The following CTNNA3 variants were observed in gnomAD, a reference collection of about 807,000 sequenced individuals.
The protein encoded by CTNNA3 is catenin alpha-3.
In CTNNA3, 76 loss-of-function variants were observed where a neutral mutation model predicts 95.7. The ratio of observed to expected loss-of-function variants is 0.79; its 90% CI spans 0.66 to 0.96. The LOEUF (loss-of-function observed/expected upper bound fraction) is 0.96. CTNNA3 is among the 40% of genes least tolerant of loss of function. The pLI, the probability that CTNNA3 is intolerant of heterozygous loss-of-function variation, is 0.00. For missense variants in CTNNA3, 1,191 were observed against 1,089.8 expected, an observed-to-expected ratio of 1.09 and a Z score of -1.31; for synonymous variants, 431 against 374.4, an observed-to-expected ratio of 1.15 and a Z score of -1.74.
intron 17 of CTNNA3, among the ~76,000 whole-genome samples, chr10:65,958,571 G>C (rs556628181): frequency 1.3e-5 from 2 of 152,068 alleles, no homozygotes; most frequent in Non-Finnish European, 2.9e-5. Flanking sequence ...ATGGGGTTTT[G>C]GTGTGGATGT....
Position 67,348,646 on chromosome 10 carries a change from C to T in CTNNA3, c.580-128776G>A, listed in dbSNP as rs545782884. Among the ~76,000 whole-genome samples the T allele has an allele frequency of 3.9e-5, 6 of 152,114 alleles. No individual in the cohort carries two copies. In the South Asian group the frequency reaches 1.2e-3, roughly 32 times the overall value. On this transcript the variant is annotated intron_variant, in intron 5 of 17. Transcript: ENST00000433211. ...GCCCGGCACTTTTAAACAACCAGAT[C>T]GCACATGAATTCACAGAATGAGAAC...
chr10:66,763,624 TG>T (rs1187121393), intron 9 of CTNNA3, among the ~76,000 whole-genome samples: 3 of 152,142 alleles, frequency 2.0e-5, no homozygotes, highest in Admixed American at 1.3e-4. Flanking sequence ...TATTGAGAAA[TG>T]TAGTCTCACT....
At chr10:66,361,596 G>A (rs1480739356) in intron 12 of CTNNA3, among the ~76,000 whole-genome samples, 1 of 150,054 alleles carries the variant, frequency 6.7e-6, no homozygotes, top group Non-Finnish European at 1.5e-5. Context: ...GGAGTGGAGT[G>A]GCACAATCTT....
intron 13 of CTNNA3, among the ~76,000 whole-genome samples, chr10:66,128,191 A>G (rs184236208): frequency 2.0e-5 from 3 of 152,332 alleles, no homozygotes; most frequent in Admixed American, 1.3e-4. Flanking sequence ...TACACAAACA[A>G]TAATCACTTA....
At chr10:66,708,032 C>A (rs2132594584) in intron 9 of CTNNA3, among the ~76,000 whole-genome samples, 1 of 152,162 alleles carries the variant, frequency 6.6e-6, no homozygotes, top group African/African-American at 2.4e-5. Flanking sequence ...TAGCTGATTT[C>A]TCTTTTCTGA....
At chr10:67,449,385 AG>A (rs1405632383) in intron 5 of CTNNA3, among the ~76,000 whole-genome samples, 2 of 152,170 alleles carry the variant, frequency 1.3e-5, no homozygotes, top group African/African-American at 4.8e-5. Context: ...GGCAATGCTA[AG>A]CAAAAAGAAC....
intron 9 of CTNNA3, among the ~76,000 whole-genome samples, chr10:66,730,463 G>C (rs149708403): frequency 6.2e-4 from 94 of 152,248 alleles, no homozygotes; most frequent in African/African-American, 2.1e-3. Flanking sequence ...GCATGGGGTG[G>C]GGACAGGGAG....
intron 10 of CTNNA3, among the ~76,000 whole-genome samples, chr10:66,568,927 A>G (rs1021236879): frequency 2.0e-5 from 3 of 151,964 alleles, no homozygotes; most frequent in African/African-American, 7.3e-5. Flanking sequence ...TCTACATCCT[A>G]AAGGAATGAG....
chr10:66,320,320 C>G (rs968933667), intron 12 of CTNNA3, among the ~76,000 whole-genome samples: 1 of 152,054 alleles, frequency 6.6e-6, no homozygotes, highest in Admixed American at 6.6e-5. Flanking sequence ...TTCTTGCCTA[C>G]TTGGTTCTAA....
intron 15 of CTNNA3, among the ~76,000 whole-genome samples, chr10:66,045,757 A>T (rs190928526): frequency 7.9e-5 from 12 of 152,194 alleles, no homozygotes; most frequent in Non-Finnish European, 1.5e-4. Context: ...TTTTTCTTCT[A>T]GGCTACTAAG....
At chr10:67,227,040 A>G (rs1321108717) in intron 5 of CTNNA3, among the ~76,000 whole-genome samples, 1 of 152,130 alleles carries the variant, frequency 6.6e-6, no homozygotes, top group African/African-American at 2.4e-5. Context: ...AGGGGTGGAA[A>G]AAGGTATTTC....
At chr10:67,741,282 A>T (rs918338012) in intron 1 of CTNNA3, among the ~76,000 whole-genome samples, 2 of 149,982 alleles carry the variant, frequency 1.3e-5, no homozygotes, top group African/African-American at 2.4e-5. Flanking sequence ...CACATTGTGC[A>T]CATGTACCCT....
intron 5 of CTNNA3, among the ~76,000 whole-genome samples, chr10:67,314,201 G>A (rs1379858426): frequency 2.0e-5 from 3 of 152,102 alleles, no homozygotes; most frequent in Non-Finnish European, 4.4e-5. Flanking sequence ...TAATTAAAAT[G>A]AATAATTAGA....
At chr10:66,514,005 C>T (rs958845446) in intron 11 of CTNNA3, among the ~76,000 whole-genome samples, 2 of 152,100 alleles carry the variant, frequency 1.3e-5, no homozygotes, top group African/African-American at 4.8e-5. Flanking sequence ...AGCAATTAGG[C>T]CCCAGGGCAG....
At chr10:67,026,658 A>T (rs1039172453) in intron 7 of CTNNA3, among the ~76,000 whole-genome samples, 1 of 152,154 alleles carries the variant, frequency 6.6e-6, no homozygotes, top group African/African-American at 2.4e-5. Context: ...CCTGGGAGGA[A>T]ACCAATTTCT....
intron 10 of CTNNA3, among the ~76,000 whole-genome samples, chr10:66,546,783 G>C (rs1287186373): frequency 6.6e-6 from 1 of 152,062 alleles, no homozygotes; most frequent in African/African-American, 2.4e-5. Flanking sequence ...GGAAATTATG[G>C]GGATCATGGG....
At chr10:66,644,338 C>A (rs964274619) in intron 9 of CTNNA3, among the ~76,000 whole-genome samples, 6 of 147,094 alleles carry the variant, frequency 4.1e-5, no homozygotes, top group Non-Finnish European at 8.9e-5. Flanking sequence ...TAATACTTTA[C>A]ATATATTATA....
chr10:67,234,051 C>T (rs1466549356), intron 5 of CTNNA3, among the ~76,000 whole-genome samples: 1 of 152,094 alleles, frequency 6.6e-6, no homozygotes, highest in Non-Finnish European at 1.5e-5. Context: ...AGTCCAGGAC[C>T]AGCTGGATTC....
At chr10:67,126,197 A>G (rs1859713431) in intron 7 of CTNNA3, among the ~76,000 whole-genome samples, 1 of 152,230 alleles carries the variant, frequency 6.6e-6, no homozygotes, top group Admixed American at 6.5e-5. Flanking sequence ...ATAGCTTCAG[A>G]ATGATAGACA....
Sources: allele counts gnomAD v4.1 joint callset (sites outside exome capture counted in the v4.1 genomes callset), GRCh38; gene constraint gnomAD v4.1.1; transcripts MANE v1.5; gene names NCBI Gene and HGNC (gene_info 2026-07-23, HGNC 2026-07-21).